The following PPP3CB variants were observed in gnomAD, a reference collection of about 807,000 sequenced individuals.
The protein encoded by PPP3CB is protein phosphatase 3 catalytic subunit beta, also known as serine/threonine-protein phosphatase 2B catalytic subunit beta isoform.
A neutral mutation model predicts 66.4 loss-of-function variants in PPP3CB; 8 were observed. That is an observed-to-expected ratio of 0.12 (90% CI 0.07 to 0.22). PPP3CB has a LOEUF of 0.22. Among genes scored for constraint, PPP3CB ranks in the 10% least tolerant of loss-of-function variants. PPP3CB has a pLI of 1.00. For missense variants in PPP3CB, 319 were observed against 642.5 expected, an observed-to-expected ratio of 0.50 and a Z score of 5.44; for synonymous variants, 208 against 221.2, an observed-to-expected ratio of 0.94 and a Z score of 0.53.
rs139146729 is a variant in PPP3CB at position 73,461,140 on chromosome 10, G to A, written c.1108+6413C>T. On this transcript the variant is annotated intron_variant, in intron 9 of 13. Coordinates refer to ENST00000360663, the MANE Select transcript of PPP3CB (RefSeq NM_021132.4). Reference sequence around the variant, plus strand: ...CCAGGATGTAGGACATGGAGTCAATGATTATTTTGGAGCTTTAAGATTTAA... The same window carrying A: ...CCAGGATGTAGGACATGGAGTCAATAATTATTTTGGAGCTTTAAGATTTAA... Among the ~76,000 whole-genome samples, 70 of 152,350 alleles carry A rather than the reference G, an allele frequency of 4.6e-4. 1 individual carries two copies. Among genetic ancestry groups the A allele is most frequent in the African/African-American group, 1.7e-3 (69 of 41,586 alleles).
chr10:73,452,402 A>G (rs1050188928), intron 10 of PPP3CB, among the ~76,000 whole-genome samples: 1 of 152,144 alleles, frequency 6.6e-6, no homozygotes, highest in South Asian at 2.1e-4. Context: ...TATCTATTTG[A>G]AACTATTCAA....
intron 1 of PPP3CB, among the ~76,000 whole-genome samples, chr10:73,486,049 G>A (rs182915740): frequency 2.0e-5 from 3 of 151,634 alleles, no homozygotes; most frequent in South Asian, 2.1e-4. Flanking sequence ...AGGTTCAAGC[G>A]ATTCTCCTGC....
chr10:73,445,911 G>A (rs2056241989), intron 11 of PPP3CB, among the ~76,000 whole-genome samples: 2 of 151,866 alleles, frequency 1.3e-5, no homozygotes, highest in Non-Finnish European at 2.9e-5. Flanking sequence ...ACCACATCCA[G>A]TTAATTTTTC....
intron 10 of PPP3CB, among the ~76,000 whole-genome samples, chr10:73,447,016 A>G (rs1483978363): frequency 6.6e-6 from 1 of 152,246 alleles, no homozygotes; most frequent in Admixed American, 6.5e-5. Context: ...TAACTATCAC[A>G]AAGTATTTGA....
At chr10:73,439,234 G>A (rs1053943939) in intron 13 of PPP3CB, among the ~76,000 whole-genome samples, 2 of 152,138 alleles carry the variant, frequency 1.3e-5, no homozygotes, top group East Asian at 1.9e-4. Context: ...CTTAATATCT[G>A]CAATCCTTAG....
intron 1 of PPP3CB, among the ~76,000 whole-genome samples, chr10:73,486,806 G>A (rs1412823684): frequency 6.6e-6 from 1 of 152,012 alleles, no homozygotes; most frequent in African/African-American, 2.4e-5. Flanking sequence ...TCTCCACTAA[G>A]GGAAAAAAAA....
chr10:73,476,040 T>G (rs960965023), intron 3 of PPP3CB, among the ~76,000 whole-genome samples: 3 of 151,680 alleles, frequency 2.0e-5, no homozygotes, highest in Non-Finnish European at 2.9e-5. Context: ...TTTTTTTTTT[T>G]TGTGGAGACA....
At position 73,470,800 on chromosome 10, in the gene PPP3CB, A is replaced by T. The variant is rs2056690179; in HGVS notation, c.888-19T>A. 6.3e-7 allele frequency: 1 copy of T among 1,588,644 alleles called. No individual in the cohort carries two copies. The highest frequency in any genetic ancestry group is 8.6e-7 in the Non-Finnish European group (1 of 1,159,240). ...TCTATAGCTGCAAAACAAATAGCTTAATATGCATCGTAAAGCATCAATCAT... is the reference window on the plus strand; with the variant it reads ...TCTATAGCTGCAAAACAAATAGCTTTATATGCATCGTAAAGCATCAATCAT... On this transcript the variant is annotated intron_variant, in intron 7 of 13. Transcript: ENST00000360663.
intron 1 of PPP3CB, among the ~76,000 whole-genome samples, chr10:73,488,434 C>T (rs1045530736): frequency 6.6e-6 from 1 of 151,588 alleles, no homozygotes; most frequent in Non-Finnish European, 1.5e-5. Context: ...GTAGTCCCAG[C>T]TACTTGGGAG....
chr10:73,451,265 A>G (rs951097242), intron 10 of PPP3CB, among the ~76,000 whole-genome samples: 3 of 152,006 alleles, frequency 2.0e-5, no homozygotes, highest in African/African-American at 7.2e-5. Context: ...TAAATGACAT[A>G]TTTTTAAAAG....
At chr10:73,495,260 C>T (rs1426613518) in intron 1 of PPP3CB, among the ~76,000 whole-genome samples, 1 of 152,194 alleles carries the variant, frequency 6.6e-6, no homozygotes, top group Admixed American at 6.5e-5. Context: ...CCACAAGGTT[C>T]CCCTAATTTC....
At chr10:73,484,420 G>A (rs994797721) in intron 1 of PPP3CB, among the ~76,000 whole-genome samples, 1 of 151,776 alleles carries the variant, frequency 6.6e-6, no homozygotes, top group Non-Finnish European at 1.5e-5. Flanking sequence ...ACAGGCACCT[G>A]CCACCACGCC....
At chr10:73,477,355 T>C in intron 3 of PPP3CB, 1 of 442,472 alleles carries the variant, frequency 2.3e-6, no homozygotes, top group Non-Finnish European at 4.3e-6. Flanking sequence ...AAGCATCATT[T>C]GTAAAGAAAA....
At chr10:73,439,759 G>C in intron 13 of PPP3CB, 113 bp downstream of exon 13, 10 of 1,152,700 alleles carry the variant, frequency 8.7e-6, no homozygotes, top group Non-Finnish European at 1.3e-5. Context: ...GAATCAGTGA[G>C]TCTGATTCAT....
chr10:73,453,328 A>G (rs2056375044), intron 10 of PPP3CB, among the ~76,000 whole-genome samples: 6 of 138,988 alleles, frequency 4.3e-5, no homozygotes, highest in Admixed American at 4.1e-4. Context: ...TATTATACAA[A>G]TATGTTTATT....
intron 1 of PPP3CB, among the ~76,000 whole-genome samples, chr10:73,481,230 G>T (rs1190928001): frequency 1.3e-5 from 2 of 149,088 alleles, no homozygotes; most frequent in African/African-American, 5.0e-5. Context: ...TCCCAGACTT[G>T]GGAGGCCAAG....
chr10:73,486,027 C>A (rs1589718229), intron 1 of PPP3CB, among the ~76,000 whole-genome samples: 1 of 151,672 alleles, frequency 6.6e-6, no homozygotes, highest in East Asian at 1.9e-4. Flanking sequence ...CTCACTGCAA[C>A]CTCTGCCTCC....
At position 73,495,984 on chromosome 10, in the gene PPP3CB, T is replaced by C. The variant is rs897549213; in HGVS notation, c.-95A>G. ...CAAGCGGCGGCGCCGCCGGGGAACATGGCGGACCCTCTTTCCCTACAGAGG... is the reference window on the plus strand; with the variant it reads ...CAAGCGGCGGCGCCGCCGGGGAACACGGCGGACCCTCTTTCCCTACAGAGG... On this transcript the variant is annotated 5_prime_UTR_variant, in exon 1 of 14. It removes an upstream start codon present in the reference 5' UTR. Transcript: ENST00000360663. 56 of 550,298 alleles carry C rather than the reference T, an allele frequency of 1.0e-4. No individual in the cohort carries two copies. Among genetic ancestry groups the C allele is most frequent in the Non-Finnish European group, 1.2e-4 (52 of 433,808 alleles). The allele number at this position is 550,298 out of a possible 1,614,324, so 34.1% of individuals were successfully genotyped here. A position where few individuals can be genotyped will look rare whatever the true frequency, so the allele number is the denominator to read the frequency against.
rs560885583 is a variant in PPP3CB at position 73,454,385 on chromosome 10, A to C, written c.1186+27T>G. ...AAGAAATACCATTTCACAGTAAAAA[A>C]AAAAATAGTAAGATGAATAATCATA... On this transcript the variant is annotated intron_variant, in intron 10 of 13. Transcript: ENST00000360663. 1.4e-4 allele frequency: 214 copies of C among 1,573,696 alleles called. 1 individual carries two copies. The highest frequency in any genetic ancestry group is 1.2e-3 in the Middle Eastern group (7 of 5,938).
Sources: allele counts gnomAD v4.1 joint callset (sites outside exome capture counted in the v4.1 genomes callset), GRCh38; gene constraint gnomAD v4.1.1; transcripts MANE v1.5; gene names NCBI Gene and HGNC (gene_info 2026-07-23, HGNC 2026-07-21).